The following NBDY variants were observed in gnomAD, a reference collection of about 807,000 sequenced individuals.
NBDY encodes negative regulator of P-body association, also known as P-body dissociating protein.
intron 2 of NBDY, among the ~76,000 whole-genome samples, chrX:56,734,996 A>C (rs752689562): frequency 8.9e-6 from 1 of 111,983 alleles, no homozygotes; most frequent in Non-Finnish European, 1.9e-5. Context: ...ACAGTGAGCA[A>C]ATAGATTCAG....
intron 2 of NBDY, among the ~76,000 whole-genome samples, chrX:56,797,563 C>T (rs1266365150): frequency 9.0e-6 from 1 of 111,015 alleles, no homozygotes; most frequent in Non-Finnish European, 1.9e-5. Flanking sequence ...TCATGGTAAA[C>T]ACACCCTGTA....
chrX:56,796,701 G>C (rs934323429), intron 2 of NBDY, among the ~76,000 whole-genome samples: 1 of 110,739 alleles, frequency 9.0e-6, no homozygotes, highest in Non-Finnish European at 1.9e-5. Context: ...CCTTGGCCTT[G>C]TAGGCTTGGG....
intron 2 of NBDY, among the ~76,000 whole-genome samples, chrX:56,763,687 A>G (rs1055848401): frequency 3.6e-5 from 4 of 112,486 alleles, no homozygotes; most frequent in African/African-American, 1.3e-4. Context: ...AGCCAAAGGA[A>G]GGGCAAAGGC....
At chrX:56,794,528 C>T (rs773082081) in intron 2 of NBDY, among the ~76,000 whole-genome samples, 2 of 111,941 alleles carry the variant, frequency 1.8e-5, no homozygotes, top group South Asian at 3.8e-4. Flanking sequence ...GGTTCTCTGC[C>T]TTCCCCCTTC....
At chrX:56,738,533 T>C (rs182301275) in intron 2 of NBDY, among the ~76,000 whole-genome samples, 1 of 112,364 alleles carries the variant, frequency 8.9e-6, no homozygotes, top group African/African-American at 3.2e-5. Flanking sequence ...CCTCTGGAAC[T>C]TTTAACTGAC....
intron 2 of NBDY, among the ~76,000 whole-genome samples, chrX:56,745,547 A>C (rs2069552857): frequency 9.0e-6 from 1 of 111,128 alleles, no homozygotes; most frequent in Non-Finnish European, 1.9e-5. Flanking sequence ...TTACACCCAG[A>C]GAAATTTAAC....
At chrX:56,739,845 G>C (rs2069523148) in intron 2 of NBDY, among the ~76,000 whole-genome samples, 1 of 111,242 alleles carries the variant, frequency 9.0e-6, no homozygotes, top group Admixed American at 9.5e-5. Flanking sequence ...ATCATCCACT[G>C]GTTTTCAAAT....
chrX:56,730,502 A>T (rs1162761778), intron 1 of NBDY, among the ~76,000 whole-genome samples: 3 of 81,255 alleles, frequency 3.7e-5, no homozygotes, highest in Non-Finnish European at 7.3e-5. Flanking sequence ...CAATAGCAAA[A>T]AACTACGTCT....
chrX:56,784,950 T>C (rs2069718535), intron 2 of NBDY, among the ~76,000 whole-genome samples: 1 of 112,350 alleles, frequency 8.9e-6, no homozygotes, highest in Non-Finnish European at 1.9e-5. Flanking sequence ...ACACAGCTCT[T>C]CAAATATTGC....
chrX:56,794,243 G>A (rs1245387139), intron 2 of NBDY, among the ~76,000 whole-genome samples: 4 of 111,388 alleles, frequency 3.6e-5, no homozygotes, highest in African/African-American at 6.5e-5. Context: ...TGCTGACCTC[G>A]GTGCCTAGCA....
chrX:56,732,576 A>G (rs1160021035), intron 2 of NBDY, among the ~76,000 whole-genome samples: 3 of 111,712 alleles, frequency 2.7e-5, no homozygotes, highest in Non-Finnish European at 3.8e-5. Context: ...AATTAATTAT[A>G]TTTTGAATAA....
chrX:56,753,436 A>G (rs944121201), intron 2 of NBDY, among the ~76,000 whole-genome samples: 6 of 112,449 alleles, frequency 5.3e-5, no homozygotes, highest in African/African-American at 1.9e-4. Context: ...GAAGATGTCC[A>G]CTAGAATGTC....
chrX:56,800,144 C>T (rs1463015259), intron 2 of NBDY, among the ~76,000 whole-genome samples: 1 of 111,481 alleles, frequency 9.0e-6, no homozygotes, highest in East Asian at 2.8e-4. Flanking sequence ...TGGACTGTGT[C>T]CTTAGGGGTG....
intron 2 of NBDY, among the ~76,000 whole-genome samples, chrX:56,736,903 C>T (rs1017394843): frequency 9.0e-6 from 1 of 111,222 alleles, no homozygotes; most frequent in African/African-American, 3.3e-5. Context: ...GGGTGCATAC[C>T]CCCTTTTTTA....
intron 2 of NBDY, among the ~76,000 whole-genome samples, chrX:56,736,933 C>T (rs1225532342): frequency 2.7e-5 from 3 of 111,708 alleles, no homozygotes; most frequent in African/African-American, 9.8e-5. Flanking sequence ...TTCCATAAGG[C>T]TATAACTCAT....
At chrX:56,805,102 A>G (rs754475609) in intron 2 of NBDY, among the ~76,000 whole-genome samples, 2 of 111,980 alleles carry the variant, frequency 1.8e-5, no homozygotes, top group Non-Finnish European at 3.8e-5. Context: ...TTGCACTCTC[A>G]GGGCATTCCA....
chrX:56,808,904 T>C (rs1466254039), intron 2 of NBDY, among the ~76,000 whole-genome samples: 1 of 112,942 alleles, frequency 8.9e-6, no homozygotes, highest in Non-Finnish European at 1.9e-5. Context: ...TTTAGTGCTA[T>C]AAGTTTCCCT....
intron 2 of NBDY, among the ~76,000 whole-genome samples, chrX:56,750,325 CT>C (rs1346330734): frequency 9.0e-6 from 1 of 111,354 alleles, no homozygotes; most frequent in Admixed American, 9.5e-5. Context: ...TCTAGTTCTC[CT>C]TTTACATATC....
At chrX:56,755,543 C>T (rs1358195499) in intron 2 of NBDY, among the ~76,000 whole-genome samples, 3 of 112,133 alleles carry the variant, frequency 2.7e-5, no homozygotes, top group African/African-American at 9.7e-5. Context: ...TGAAAAAATG[C>T]TCATCATCAC....
Sources: allele counts gnomAD v4.1 joint callset (sites outside exome capture counted in the v4.1 genomes callset), GRCh38; gene constraint gnomAD v4.1.1; transcripts MANE v1.5; gene names NCBI Gene and HGNC (gene_info 2026-07-23, HGNC 2026-07-21).